The following FBXL17 variants were observed in gnomAD, a reference collection of about 807,000 sequenced individuals.
FBXL17 encodes the protein F-box/LRR-repeat protein 17.
Under a neutral mutation model 66.2 loss-of-function variants are expected in FBXL17, and 22 were observed. The ratio of observed to expected loss-of-function variants is 0.33; its 90% CI spans 0.24 to 0.47. The LOEUF (loss-of-function observed/expected upper bound fraction) is 0.47, where lower values mean the gene tolerates loss of function less well. Ranked by LOEUF, FBXL17 falls within the 20% of genes least tolerant of loss-of-function variation. The probability of loss-of-function intolerance (pLI) is 1.00; values close to 1 mark genes in which losing one functional copy is unlikely to be tolerated. For missense variants in FBXL17, 878 were observed against 948.2 expected (o/e 0.93, Z 0.97); for synonymous variants, 474 against 400.5 (o/e 1.18, Z -2.19).
rs1419335816 is a variant in FBXL17 at position 108,381,035 on chromosome 5, G to A, written c.657C>T (p.Gly219=). ...CACCGCCGCCGCCGCCGCCGCCGCA[G>A]CCCCCGCCGCCGCAGCGGGGCTGCT... The part of the protein sequence containing the change: ...PCKQPRCGGG[G]CGGGGGGGGG... Residue 219 remains glycine (G), a synonymous_variant, in exon 1 of 9, where the codon GGC becomes GGT. Transcript: ENST00000542267. 2.5e-6 allele frequency: 3 copies of A among 1,197,008 alleles called. No individual in the cohort carries two copies. In the East Asian group the frequency reaches 1.0e-4, roughly 41 times the overall value. 74.1% of individuals were successfully genotyped at this position (1,197,008 alleles called of 1,614,324 possible).
Position 108,345,012 on chromosome 5 carries a change from A to G in FBXL17, c.1506+3387T>C, listed in dbSNP as rs1438832552. ...TGTCTCACTCAAAAATAACTGAAAC[A>G]GAACTCAAAGAATTCTCTTTTGGGA... is the stretch of plus-strand genomic sequence containing the variant. On this transcript the variant is annotated intron_variant, in intron 4 of 8. Transcript: ENST00000542267. Among the ~76,000 whole-genome samples the G allele has an allele frequency of 3.3e-5, 5 of 152,320 alleles. No homozygotes were observed. In the East Asian group the frequency reaches 9.7e-4, roughly 29 times the overall value.
intron 4 of FBXL17, among the ~76,000 whole-genome samples, chr5:108,290,242 A>T (rs1758057524): frequency 6.6e-6 from 1 of 152,182 alleles, no homozygotes; most frequent in Admixed American, 6.5e-5. Flanking sequence ...AGAATTCTGT[A>T]GAATGGCAAT....
At chr5:108,275,144 T>C (rs1366656594) in intron 4 of FBXL17, among the ~76,000 whole-genome samples, 1 of 152,198 alleles carries the variant, frequency 6.6e-6, no homozygotes, top group Non-Finnish European at 1.5e-5. Context: ...TTACTTATAA[T>C]GAATGCTGAA....
chr5:108,099,001 T>C (rs907057786), intron 6 of FBXL17, among the ~76,000 whole-genome samples: 1 of 152,062 alleles, frequency 6.6e-6, no homozygotes, highest in South Asian at 2.1e-4. Context: ...AAAGTAGCAA[T>C]AGATAAGAGC....
chr5:107,952,391 T>C (rs1395171599), intron 7 of FBXL17, among the ~76,000 whole-genome samples: 1 of 152,232 alleles, frequency 6.6e-6, no homozygotes, highest in Non-Finnish European at 1.5e-5. Flanking sequence ...TTCAGTATCA[T>C]CTTTAGGGAT....
At chr5:108,081,397 T>C (rs1040709127) in intron 6 of FBXL17, among the ~76,000 whole-genome samples, 1 of 152,094 alleles carries the variant, frequency 6.6e-6, no homozygotes, top group Non-Finnish European at 1.5e-5. Context: ...GAAGTTAGGG[T>C]TCCTTACCAT....
intron 6 of FBXL17, among the ~76,000 whole-genome samples, chr5:108,183,368 C>A (rs1454904972): frequency 6.6e-6 from 1 of 151,918 alleles, no homozygotes; most frequent in African/African-American, 2.4e-5. Context: ...CAATGCATTA[C>A]CAAGAAATTT....
intron 6 of FBXL17, among the ~76,000 whole-genome samples, chr5:108,035,663 G>A (rs1042352194): frequency 1.3e-5 from 2 of 151,920 alleles, no homozygotes; most frequent in African/African-American, 4.8e-5. Context: ...CACCACATCC[G>A]GCTGGGAGAG....
rs114658404 is a variant in FBXL17, at chr5:108,024,899, T to C, written c.1746-3898A>G. ...TTACTTTCAGTGGAGGGAAAATCTGTCTCCTTAGCAATAGATTCGTAATCA... is the reference window on the plus strand; with the variant it reads ...TTACTTTCAGTGGAGGGAAAATCTGCCTCCTTAGCAATAGATTCGTAATCA... On this transcript the variant is annotated intron_variant, in intron 6 of 8. Transcript: ENST00000542267. 7.0e-3 allele frequency among the ~76,000 whole-genome samples: 1,070 copies of C among 152,136 alleles called. 8 individuals are homozygous for C. The highest frequency in any genetic ancestry group is 0.02 in the Middle Eastern group (6 of 294).
At chr5:107,887,822 T>C (rs1749025762) in intron 7 of FBXL17, among the ~76,000 whole-genome samples, 1 of 152,152 alleles carries the variant, frequency 6.6e-6, no homozygotes, top group Admixed American at 6.5e-5. Context: ...GGAGAAGCTA[T>C]AAAAGTTTCT....
chr5:108,170,142 G>GA (rs944978175), intron 6 of FBXL17, among the ~76,000 whole-genome samples: 1 of 151,612 alleles, frequency 6.6e-6, no homozygotes, highest in Non-Finnish European at 1.5e-5. Context: ...ATTTATTAAT[G>GA]AAAAAAAATT....
At position 107,879,660 on chromosome 5, in the gene FBXL17, C is replaced by A. The variant is rs994905956; in HGVS notation, c.1965+1377G>T. On this transcript the variant is annotated intron_variant, in intron 8 of 8. Transcript: ENST00000542267. The stretch of plus-strand genomic sequence containing the variant: ...TTGGGCCATACTTCATTTGCCCCCA[C>A]ATTTGCTACATTTAGAAGATGCATG... The A allele has an allele frequency of 5.5e-5, 54 of 985,346 alleles. No individual in the cohort carries two copies. The African/African-American group carries it at 8.9e-4, about 16-fold the overall frequency. 61.0% of individuals were successfully genotyped at this position (985,346 alleles called of 1,614,324 possible).
intron 6 of FBXL17, among the ~76,000 whole-genome samples, chr5:108,090,723 GT>G (rs1749156438): frequency 6.6e-6 from 1 of 151,970 alleles, no homozygotes; most frequent in South Asian, 2.1e-4. Context: ...AAATATAAAA[GT>G]CAGTTTTAGC....
chr5:108,080,985 G>A (rs1748740148), intron 6 of FBXL17, among the ~76,000 whole-genome samples: 1 of 152,180 alleles, frequency 6.6e-6, no homozygotes, highest in African/African-American at 2.4e-5. Flanking sequence ...TCTACAGAAT[G>A]CAGATTTTCT....
At chr5:108,194,723 A>G (rs1482545619) in intron 5 of FBXL17, among the ~76,000 whole-genome samples, 2 of 152,168 alleles carry the variant, frequency 1.3e-5, no homozygotes, top group Admixed American at 1.3e-4. Flanking sequence ...ATTCATTCAC[A>G]TTCATTTAAA....
At chr5:107,893,880 T>TA (rs1749286182) in intron 7 of FBXL17, among the ~76,000 whole-genome samples, 1 of 152,210 alleles carries the variant, frequency 6.6e-6, no homozygotes, top group Non-Finnish European at 1.5e-5. Flanking sequence ...ATGAATCACA[T>TA]AACCCTCTGT....
chr5:108,265,966 T>C (rs1034520947), intron 4 of FBXL17, among the ~76,000 whole-genome samples: 1 of 152,186 alleles, frequency 6.6e-6, no homozygotes, highest in Non-Finnish European at 1.5e-5. Flanking sequence ...GTTCTTCATA[T>C]ACAGAAATAC....
rs920219015 is a variant in FBXL17 at position 107,873,082 on chromosome 5, G to A, written c.1965+7955C>T. ...TGGGGATGGAAATAGATCATAACAG[G>A]TGGCAAGAAAGTAAGGAAAACTGTT... On this transcript the variant is annotated intron_variant, in intron 8 of 8. Transcript: ENST00000542267. Among the ~76,000 whole-genome samples the A allele has an allele frequency of 2.6e-5, 4 of 152,214 alleles. No homozygotes were observed. In the South Asian group the frequency reaches 8.3e-4, roughly 31 times the overall value.
At chr5:108,275,116 A>T (rs1757431646) in intron 4 of FBXL17, among the ~76,000 whole-genome samples, 1 of 152,204 alleles carries the variant, frequency 6.6e-6, no homozygotes, top group South Asian at 2.1e-4. Context: ...ATTTAATCTC[A>T]CTTAATGACC....
Sources: gnomAD v4.1 joint callset for allele counts (sites outside exome capture counted in the v4.1 genomes callset) on GRCh38, gnomAD v4.1.1 for gene constraint, MANE v1.5 for transcripts, NCBI Gene and HGNC (gene_info 2026-07-23, HGNC 2026-07-21) for gene names.